Variants in DLGAP2 observed in about 807,000 individuals in gnomAD.
DLGAP2 encodes the protein disks large-associated protein 2.
A neutral mutation model predicts 100.3 loss-of-function variants in DLGAP2; 26 were observed. The observed-to-expected ratio is 0.26, with a 90% CI of 0.19 to 0.36. DLGAP2 has a LOEUF of 0.36. Among genes scored for constraint, DLGAP2 ranks in the 10% least tolerant of loss-of-function variants. DLGAP2 has a pLI of 1.00. For synonymous variants in DLGAP2, 886 were observed against 630.1 expected, an observed-to-expected ratio of 1.41 and a Z score of -6.08; for missense variants, 1,858 against 1,453.2, an observed-to-expected ratio of 1.28 and a Z score of -4.53.
intron 2 of DLGAP2, among the ~76,000 whole-genome samples, chr8:1,181,389 C>T (rs1456259079): frequency 6.6e-6 from 1 of 152,156 alleles, no homozygotes; most frequent in Non-Finnish European, 1.5e-5. Flanking sequence ...TGTTAGATTG[C>T]TAAGGATAAT....
intron 2 of DLGAP2, among the ~76,000 whole-genome samples, chr8:1,189,163 C>T (rs1453137081): frequency 4.1e-5 from 6 of 146,982 alleles, no homozygotes; most frequent in East Asian, 2.0e-4. Flanking sequence ...ACACAGGGTT[C>T]GGGCCCCAGG....
chr8:1,182,684 C>G (rs77114754), intron 2 of DLGAP2, among the ~76,000 whole-genome samples: 1 of 152,146 alleles, frequency 6.6e-6, no homozygotes, highest in Non-Finnish European at 1.5e-5. Context: ...TGCCGTAGGT[C>G]ACTGAGTCTG....
At chr8:882,464 C>G (rs1465853787) in intron 1 of DLGAP2, among the ~76,000 whole-genome samples, 1 of 137,998 alleles carries the variant, frequency 7.2e-6, no homozygotes, top group Non-Finnish European at 1.6e-5. Flanking sequence ...GGAGGCCTCT[C>G]CTGCGGGCAC....
At chr8:1,159,693 C>G (rs1462487811) in intron 2 of DLGAP2, among the ~76,000 whole-genome samples, 1 of 152,196 alleles carries the variant, frequency 6.6e-6, no homozygotes, top group African/African-American at 2.4e-5. Context: ...CATTTTCATT[C>G]CGCAGATGGC....
intron 2 of DLGAP2, among the ~76,000 whole-genome samples, chr8:1,201,691 C>G (rs953436587): frequency 2.6e-5 from 4 of 152,194 alleles, no homozygotes; most frequent in Non-Finnish European, 2.9e-5. Context: ...TGGTCCAGGC[C>G]GTGGGATCCA....
chr8:1,594,513 A>G (rs1051060625), intron 6 of DLGAP2, among the ~76,000 whole-genome samples: 13 of 152,160 alleles, frequency 8.5e-5, no homozygotes, highest in East Asian at 1.9e-4. Context: ...GGTGAACTCA[A>G]AGACAACATC....
chr8:1,426,623 A>T (rs960929796), intron 3 of DLGAP2, among the ~76,000 whole-genome samples: 2 of 152,222 alleles, frequency 1.3e-5, no homozygotes, highest in African/African-American at 4.8e-5. Flanking sequence ...GAAACTCAAG[A>T]CCATGCATGA....
At chr8:1,246,465 C>T (rs1428955965) in intron 2 of DLGAP2, among the ~76,000 whole-genome samples, 1 of 152,222 alleles carries the variant, frequency 6.6e-6, no homozygotes, top group Non-Finnish European at 1.5e-5. Flanking sequence ...TGTGTCTCCT[C>T]AGCCTCCTCT....
chr8:1,209,439 C>G (rs1036497725), intron 2 of DLGAP2, among the ~76,000 whole-genome samples: 3 of 152,178 alleles, frequency 2.0e-5, no homozygotes, highest in African/African-American at 7.2e-5. Context: ...TGTGATATAT[C>G]ATTGCATATG....
chr8:1,219,614 A>G (rs1196495896), intron 2 of DLGAP2, among the ~76,000 whole-genome samples: 2 of 152,308 alleles, frequency 1.3e-5, no homozygotes, highest in African/African-American at 2.4e-5. Context: ...TGGTATCAGA[A>G]TGATGCTGAC....
intron 2 of DLGAP2, among the ~76,000 whole-genome samples, chr8:1,218,569 A>G (rs1798257197): frequency 6.6e-6 from 1 of 151,942 alleles, no homozygotes; most frequent in African/African-American, 2.4e-5. Flanking sequence ...GAGTAATGTG[A>G]TGCCTCCACC....
intron 3 of DLGAP2, among the ~76,000 whole-genome samples, chr8:1,423,713 TGCA>T (rs1425104258): frequency 3.3e-5 from 5 of 152,156 alleles, no homozygotes; most frequent in African/African-American, 1.2e-4. Context: ...TGACAGAGTG[TGCA>T]AGAGCACTCC....
chr8:1,659,001 GCTGTGTCCCAGAAACT>G (rs1045607803), intron 8 of DLGAP2, among the ~76,000 whole-genome samples: 5 of 152,110 alleles, frequency 3.3e-5, no homozygotes, highest in African/African-American at 1.2e-4. Flanking sequence ...CACTGTGTTA[GCTGTGTCCCAGAAACT>G]CTGTGTCCCA....
intron 3 of DLGAP2, among the ~76,000 whole-genome samples, chr8:1,271,181 A>G (rs1277615109): frequency 6.6e-6 from 1 of 152,184 alleles, no homozygotes; most frequent in African/African-American, 2.4e-5. Flanking sequence ...TGAAAAGGAG[A>G]AAATAACATG....
At chr8:1,318,779 C>CG (rs774970537) in intron 3 of DLGAP2, among the ~76,000 whole-genome samples, 3 of 9,488 alleles carry the variant, frequency 3.2e-4, no homozygotes, top group South Asian at 3.9e-3. Context: ...CAGTGATCAG[C>CG]CCCCCCCCCG....
At chr8:1,148,377 A>C (rs1175112370) in intron 2 of DLGAP2, among the ~76,000 whole-genome samples, 1 of 151,684 alleles carries the variant, frequency 6.6e-6, no homozygotes, top group Non-Finnish European at 1.5e-5. Context: ...GGAATTTATC[A>C]ATATTACTAG....
intron 2 of DLGAP2, among the ~76,000 whole-genome samples, chr8:914,600 G>C (rs558349612): frequency 2.0e-5 from 3 of 152,190 alleles, no homozygotes; most frequent in African/African-American, 7.2e-5. Context: ...GCCCCCATCC[G>C]TTCTGGGCCG....
chr8:1,106,260 A>G (rs1164980780), intron 2 of DLGAP2, among the ~76,000 whole-genome samples: 15 of 120,246 alleles, frequency 1.2e-4, no homozygotes, highest in South Asian at 3.0e-4. Context: ...CTATTGAAGG[A>G]GGGCATTCTA....
chr8:928,308 C>T (rs1421573555), intron 2 of DLGAP2, among the ~76,000 whole-genome samples: 1 of 151,872 alleles, frequency 6.6e-6, no homozygotes, highest in African/African-American at 2.4e-5. Context: ...GTTCACTAGG[C>T]ATCCTGGACA....
Sources: allele counts gnomAD v4.1 joint callset (sites outside exome capture counted in the v4.1 genomes callset), GRCh38; gene constraint gnomAD v4.1.1; transcripts MANE v1.5; gene names NCBI Gene and HGNC (gene_info 2026-07-23, HGNC 2026-07-21).